The following PSMG2 variants were observed in gnomAD, a reference collection of about 807,000 sequenced individuals.
The protein encoded by PSMG2 is proteasome assembly chaperone 2.
In PSMG2, 21 loss-of-function variants were observed where a neutral mutation model predicts 31.5. The ratio of observed to expected loss-of-function variants is 0.67; its 90% CI spans 0.47 to 0.96. The LOEUF (loss-of-function observed/expected upper bound fraction) is 0.96, where lower values mean the gene tolerates loss of function less well. PSMG2 is among the 40% of genes least tolerant of loss of function. The pLI, the probability that PSMG2 is intolerant of heterozygous loss-of-function variation, is 0.00. For missense variants in PSMG2, 318 were observed against 321.2 expected (o/e 0.99, Z 0.08); for synonymous variants, 120 against 110.4 (o/e 1.09, Z -0.54).
intron 1 of PSMG2, among the ~76,000 whole-genome samples, chr18:12,687,893 C>T (rs1444289133): frequency 6.6e-6 from 1 of 151,976 alleles, no homozygotes; most frequent in Non-Finnish European, 1.5e-5. Flanking sequence ...AAATCACAAA[C>T]TAAATATTAA....
At chr18:12,716,435 G>C (rs988264785) in intron 3 of PSMG2, among the ~76,000 whole-genome samples, 6 of 143,550 alleles carry the variant, frequency 4.2e-5, no homozygotes, top group African/African-American at 1.6e-4. Flanking sequence ...GCCCTGTTGC[G>C]CAGGCTGGAC....
At chr18:12,695,052 T>C (rs1291052379) in intron 1 of PSMG2, among the ~76,000 whole-genome samples, 5 of 152,192 alleles carry the variant, frequency 3.3e-5, no homozygotes, top group African/African-American at 4.8e-5. Context: ...TTCATCGTAT[T>C]TCCTAAACTA....
At chr18:12,711,902 C>T (rs143676991) in intron 2 of PSMG2, among the ~76,000 whole-genome samples, 2,690 of 152,038 alleles carry the variant, frequency 0.018, 101 homozygotes, top group African/African-American at 0.061. Flanking sequence ...TACAGGTGCC[C>T]GCCGCCAAGC....
chr18:12,715,272 G>T (rs911433701), intron 3 of PSMG2, among the ~76,000 whole-genome samples: 2 of 152,072 alleles, frequency 1.3e-5, no homozygotes, highest in Non-Finnish European at 2.9e-5. Context: ...ACCTCCCAAA[G>T]TAGTGGGATT....
chr18:12,682,465 A>G (rs1196406814), intron 1 of PSMG2, among the ~76,000 whole-genome samples: 1 of 152,184 alleles, frequency 6.6e-6, no homozygotes, highest in African/African-American at 2.4e-5. Context: ...CTGGGACTAC[A>G]GGCATGAGCC....
At chr18:12,701,838 A>C (rs566618373), upstream of PSMG2, among the ~76,000 whole-genome samples, 1 of 152,282 alleles carries the variant, frequency 6.6e-6, no homozygotes, top group East Asian at 1.9e-4. Context: ...CGGTAAAGAA[A>C]CCCTGATATC....
intron 1 of PSMG2, among the ~76,000 whole-genome samples, chr18:12,670,092 G>A (rs1298665399): frequency 2.6e-5 from 4 of 152,188 alleles, no homozygotes; most frequent in Non-Finnish European, 5.9e-5. Flanking sequence ...CACTTGGGGA[G>A]GCCAAGGCAG....
intron 1 of PSMG2, among the ~76,000 whole-genome samples, chr18:12,687,865 T>C (rs1253506337): frequency 1.3e-5 from 2 of 152,096 alleles, no homozygotes; most frequent in Non-Finnish European, 2.9e-5. Context: ...TAGTGTGGTA[T>C]AAGAATACTA....
intron 1 of PSMG2, among the ~76,000 whole-genome samples, chr18:12,694,661 G>A (rs2039883629): frequency 6.6e-6 from 1 of 151,996 alleles, no homozygotes; most frequent in Non-Finnish European, 1.5e-5. Context: ...CCATCCCACT[G>A]AGGTTGCACT....
chr18:12,686,079 T>C (rs906185225), intron 1 of PSMG2: 11 of 488,466 alleles, frequency 2.3e-5, no homozygotes, highest in African/African-American at 1.8e-4. Flanking sequence ...TTTTTATTAT[T>C]GTAATTTTTT....
At chr18:12,689,716 G>A (rs1171547378) in intron 1 of PSMG2, among the ~76,000 whole-genome samples, 2 of 151,908 alleles carry the variant, frequency 1.3e-5, no homozygotes, top group Admixed American at 6.6e-5. Flanking sequence ...CTAATTCCAC[G>A]TGGCAATGAA....
rs562123000 is a variant in PSMG2, at chr18:12,686,150, A to G, written c.-36-20400A>G. ...ATCTACAGATACAGAACCTGTGGGT[A>G]CAGAGGGTTGACTATATGTGCATTT... is the stretch of plus-strand genomic sequence containing the variant. On this transcript the variant is annotated intron_variant, in intron 1 of 6. Coordinates refer to the PSMG2 transcript ENST00000585331. The G allele has an allele frequency of 2.6e-5, 20 of 755,392 alleles. No homozygotes were observed. The South Asian group carries it at 3.2e-4, about 12-fold the overall frequency. 46.8% of individuals were successfully genotyped at this position (755,392 alleles called of 1,614,324 possible). A position where few individuals can be genotyped will look rare whatever the true frequency, so the allele number is the denominator to read the frequency against.
intron 1 of PSMG2, among the ~76,000 whole-genome samples, chr18:12,675,547 A>G (rs886400106): frequency 2.6e-5 from 4 of 152,254 alleles, no homozygotes; most frequent in Non-Finnish European, 4.4e-5. Context: ...TTTACTGAAC[A>G]TGTACTCTAT....
At chr18:12,698,105 A>C (rs1351080482), upstream of PSMG2, among the ~76,000 whole-genome samples, 1 of 151,972 alleles carries the variant, frequency 6.6e-6, no homozygotes, top group African/African-American at 2.4e-5. Context: ...AAGAAAAAAA[A>C]GAAAAAATTA....
intron 1 of PSMG2, among the ~76,000 whole-genome samples, chr18:12,703,907 G>T (rs1162684852): frequency 6.6e-6 from 1 of 152,178 alleles, no homozygotes; most frequent in East Asian, 1.9e-4. Context: ...TAAGCAGGGG[G>T]ACTTGAAGAC....
chr18:12,709,936 C>G (rs1413689872), intron 2 of PSMG2, among the ~76,000 whole-genome samples: 1 of 151,170 alleles, frequency 6.6e-6, no homozygotes, highest in Non-Finnish European at 1.5e-5. Flanking sequence ...ACGCCCAGCC[C>G]TCATAAACTT....
At chr18:12,717,739 C>G (rs2040391274) in intron 3 of PSMG2, among the ~76,000 whole-genome samples, 1 of 152,166 alleles carries the variant, frequency 6.6e-6, no homozygotes, top group Admixed American at 6.5e-5. Context: ...GTAAAACTGG[C>G]CTGCCCCTCT....
At chr18:12,702,562 G>A (rs1041943803), upstream of PSMG2, 2 of 1,560,182 alleles carry the variant, frequency 1.3e-6, no homozygotes, top group South Asian at 2.3e-5. Flanking sequence ...GGCAGCCGGC[G>A]TCTCCCCGCC....
intron 1 of PSMG2, among the ~76,000 whole-genome samples, chr18:12,664,072 G>A (rs2038754260): frequency 6.6e-6 from 1 of 152,244 alleles, no homozygotes; most frequent in South Asian, 2.1e-4. Flanking sequence ...GCTGAGGCAA[G>A]AGAATCGCTT....
Sources: allele counts gnomAD v4.1 joint callset (sites outside exome capture counted in the v4.1 genomes callset), GRCh38; gene constraint gnomAD v4.1.1; transcripts MANE v1.5; gene names NCBI Gene and HGNC (gene_info 2026-07-23, HGNC 2026-07-21).